TPRG1: variants seen among roughly 807,000 people sequenced by gnomAD.
TPRG1 encodes tumor protein p63-regulated gene 1 protein.
In TPRG1, 29 loss-of-function variants were observed where a neutral mutation model predicts 29.3. The observed-to-expected ratio is 0.99, with a 90% confidence interval of 0.74 to 1.35. The LOEUF is 1.35. TPRG1 is among the 40% of genes most tolerant of loss of function. The pLI is 0.00. For missense variants in TPRG1, 327 were observed against 335.0 expected (o/e 0.98, Z 0.19); for synonymous variants, 130 against 116.8 (o/e 1.11, Z -0.73).
rs144589986 is a variant in TPRG1 at position 189,194,511 on chromosome 3, T to C, written c.-9-12865T>C. On this transcript the variant is annotated intron_variant, in intron 1 of 5. Transcript: ENST00000345063. ...CTCTCTTTGGCTGGTTGAATACAGG[T>C]TGCCCACAGAGCCTGGATCTGTGAC... Among the ~76,000 whole-genome samples the C allele has an allele frequency of 2.0e-3, 301 of 152,202 alleles. 2 individuals are homozygous for C. The highest frequency in any genetic ancestry group is 1.3e-3 in the Non-Finnish European group (91 of 68,002).
chr3:189,157,154 A>G (rs7620691), intron 5 of TPRG1, among the ~76,000 whole-genome samples: 60,226 of 151,752 alleles, frequency 0.4, 12,156 homozygotes, highest in South Asian at 0.54. Context: ...AAGAGGCTTC[A>G]TGGGGCTGCT....
At chr3:189,148,211 T>C (rs1725498382) in intron 4 of TPRG1, among the ~76,000 whole-genome samples, 2 of 152,218 alleles carry the variant, frequency 1.3e-5, no homozygotes, top group South Asian at 4.1e-4. Flanking sequence ...TGGTGGGCAC[T>C]ACTGGTCACT....
intron 4 of TPRG1, among the ~76,000 whole-genome samples, chr3:189,085,350 C>T (rs1400111791): frequency 6.6e-6 from 1 of 152,110 alleles, no homozygotes. Flanking sequence ...ACATGCAATT[C>T]ATATCTCATA....
chr3:189,169,477 T>G (rs1436876539), upstream of TPRG1, among the ~76,000 whole-genome samples: 2 of 152,122 alleles, frequency 1.3e-5, no homozygotes, highest in Admixed American at 6.5e-5. Flanking sequence ...TAAAGGTTAT[T>G]ATAGAAGAGA....
rs1393763173 is a variant in TPRG1 at position 189,323,737 on chromosome 3, A to G, written c.*2917A>G. The G allele has an allele frequency of 6.6e-6, 1 of 152,168 alleles. No homozygotes were observed. Among genetic ancestry groups the G allele is most frequent in the Non-Finnish European group, 1.5e-5 (1 of 68,030 alleles). 9.4% of individuals were successfully genotyped at this position (152,168 alleles called of 1,614,324 possible). A position where few individuals can be genotyped will look rare whatever the true frequency, so the allele number is the denominator to read the frequency against. ...TTACCACTACAGTTTAGCAAATGGCATGATGAGTTTGATTGATAATAGGAG... is the reference window on the plus strand; with the variant it reads ...TTACCACTACAGTTTAGCAAATGGCGTGATGAGTTTGATTGATAATAGGAG... On this transcript the variant is annotated 3_prime_UTR_variant, in exon 6 of 6. Transcript: ENST00000345063.
Position 189,323,307 on chromosome 3 carries a change from G to A in TPRG1, c.*2487G>A, listed in dbSNP as rs1362458372. On this transcript the variant is annotated 3_prime_UTR_variant, in exon 6 of 6. Coordinates refer to ENST00000345063, the MANE Select transcript of TPRG1 (RefSeq NM_198485.4). ...TTAATTAGACCCATTTTTTTCTTAG[G>A]AAAGAGTTGGATCAATCATGGGAGA... 6.6e-6 allele frequency: 1 copy of A among 151,914 alleles called. No individual in the cohort carries two copies. Among genetic ancestry groups the A allele is most frequent in the East Asian group, 1.9e-4 (1 of 5,182 alleles). 9.4% of individuals were successfully genotyped at this position (151,914 alleles called of 1,614,324 possible).
At chr3:189,319,324 A>G (rs964239341) in intron 5 of TPRG1, among the ~76,000 whole-genome samples, 1 of 151,906 alleles carries the variant, frequency 6.6e-6, no homozygotes, top group Admixed American at 6.6e-5. Flanking sequence ...TGGTGAGGTA[A>G]CTCAAACCAC....
At chr3:189,183,790 C>T (rs926219848) in intron 1 of TPRG1, among the ~76,000 whole-genome samples, 1 of 151,504 alleles carries the variant, frequency 6.6e-6, no homozygotes, top group African/African-American at 2.4e-5. Context: ...TTTCAAGATG[C>T]CCACATTTCA....
chr3:189,077,782 G>A (rs887716215), intron 4 of TPRG1, among the ~76,000 whole-genome samples: 2 of 152,160 alleles, frequency 1.3e-5, no homozygotes, highest in African/African-American at 4.8e-5. Flanking sequence ...GAAATACAAT[G>A]AGTTCCTTTC....
intron 2 of TPRG1, among the ~76,000 whole-genome samples, chr3:189,129,384 T>C (rs902896630): frequency 1.3e-5 from 2 of 152,218 alleles, no homozygotes; most frequent in African/African-American, 4.8e-5. Context: ...CAGGCTGTGA[T>C]ACCAGGTATA....
chr3:189,036,039 G>A (rs1301216738), intron 4 of TPRG1, among the ~76,000 whole-genome samples: 1 of 151,834 alleles, frequency 6.6e-6, no homozygotes, highest in Non-Finnish European at 1.5e-5. Context: ...ATTACTAGTG[G>A]ATTGGATAAA....
intron 4 of TPRG1, among the ~76,000 whole-genome samples, chr3:189,248,234 A>T (rs1741644351): frequency 6.6e-6 from 1 of 151,814 alleles, no homozygotes; most frequent in East Asian, 1.9e-4. Context: ...TCAGTCATTT[A>T]TGTCTTATTA....
chr3:189,032,747 C>T (rs538306013), intron 4 of TPRG1, among the ~76,000 whole-genome samples: 1 of 106,824 alleles, frequency 9.4e-6, no homozygotes, highest in Non-Finnish European at 1.8e-5. Context: ...TCCCTCCCCC[C>T]TCCCCCCACC....
At chr3:189,069,760 G>A (rs1245896445) in intron 4 of TPRG1, among the ~76,000 whole-genome samples, 3 of 152,124 alleles carry the variant, frequency 2.0e-5, no homozygotes, top group Non-Finnish European at 4.4e-5. Flanking sequence ...CAACAGGTAA[G>A]TAGTTAAACA....
chr3:189,134,350 A>G (rs1723460864), intron 3 of TPRG1, among the ~76,000 whole-genome samples: 2 of 151,440 alleles, frequency 1.3e-5, no homozygotes, highest in Admixed American at 1.3e-4. Context: ...CACAAAATGA[A>G]CCAATCTCAT....
chr3:189,051,442 T>C (rs970194864), intron 4 of TPRG1, among the ~76,000 whole-genome samples: 3 of 152,096 alleles, frequency 2.0e-5, no homozygotes, highest in Admixed American at 6.5e-5. Flanking sequence ...AAAGAAATCA[T>C]AGATGACACA....
chr3:189,089,941 AG>A (rs1417280886), intron 4 of TPRG1, among the ~76,000 whole-genome samples: 1 of 152,058 alleles, frequency 6.6e-6, no homozygotes, highest in Non-Finnish European at 1.5e-5. Context: ...CTATATAATT[AG>A]TCTTTTCAAG....
chr3:189,185,478 G>A (rs1397402048), intron 1 of TPRG1, among the ~76,000 whole-genome samples: 4 of 152,166 alleles, frequency 2.6e-5, no homozygotes, highest in East Asian at 3.9e-4. Flanking sequence ...CCCCAATCTC[G>A]GCCTCCCAAA....
chr3:189,063,664 G>T (rs1023609938), intron 4 of TPRG1, among the ~76,000 whole-genome samples: 1 of 151,182 alleles, frequency 6.6e-6, no homozygotes, highest in African/African-American at 2.4e-5. Flanking sequence ...ATACTTTATT[G>T]GTCAAAAAGG....
Sources: gnomAD v4.1 joint callset for allele counts (sites outside exome capture counted in the v4.1 genomes callset) on GRCh38, gnomAD v4.1.1 for gene constraint, MANE v1.5 for transcripts, NCBI Gene and HGNC (gene_info 2026-07-23, HGNC 2026-07-21) for gene names.